ADGRL1: variants seen among roughly 807,000 people sequenced by gnomAD.
The protein encoded by ADGRL1 is CIRL-1.
In ADGRL1, 31 loss-of-function variants were observed where a neutral mutation model predicts 148.9. The observed-to-expected ratio is 0.21, with a 90% CI of 0.16 to 0.28. The LOEUF is 0.28. Among genes scored for constraint, ADGRL1 ranks in the 10% least tolerant of loss-of-function variants. ADGRL1 has a pLI of 1.00. For missense variants in ADGRL1, 1,521 were observed against 2,058.8 expected (o/e 0.74, Z 5.05); for synonymous variants, 937 against 900.3 (o/e 1.04, Z -0.73).
rs1285524365 is a variant in ADGRL1 at position 14,183,626 on chromosome 19, G to C, written c.-24C>G. 6.4e-7 allele frequency: 1 copy of C among 1,556,958 alleles called. No individual in the cohort carries two copies. Among genetic ancestry groups the C allele is most frequent in the Non-Finnish European group, 8.7e-7 (1 of 1,149,358 alleles). On this transcript the variant is annotated 5_prime_UTR_variant, in exon 2 of 23. Transcript: ENST00000361434. ...ATGGTGGCAGCCGGGTGCGTGTCCG[G>C]AGCTCTCAGTGGCCTGTGCGGGGGG... is the stretch of plus-strand genomic sequence containing the variant.
Position 14,183,633 on chromosome 19 carries a change from C to A in ADGRL1, c.-31G>T. On this transcript the variant is annotated 5_prime_UTR_variant, in exon 2 of 23. The change abolishes the stop of an existing upstream ORF in the 5' untranslated region. Coordinates refer to ENST00000361434, the MANE Select transcript of ADGRL1 (RefSeq NM_014921.5). ...CAGCCGGGTGCGTGTCCGGAGCTCT[C>A]AGTGGCCTGTGCGGGGGGCTTTGCC... The A allele has an allele frequency of 6.5e-7, 1 of 1,550,040 alleles. No individual in the cohort carries two copies.
chr19:14,181,333 C>T (rs187573961), intron 2 of ADGRL1, among the ~76,000 whole-genome samples: 53 of 152,338 alleles, frequency 3.5e-4, no homozygotes, highest in Middle Eastern at 3.4e-3. Context: ...CAGATTCGGG[C>T]CCCATACTCG....
chr19:14,149,780 GCCCCGGCGGGGAC>G lies in ADGRL1; in HGVS notation c.*1080_*1092del. 6.6e-6 allele frequency: 1 copy of G among 152,586 alleles called. No homozygotes were observed. Among genetic ancestry groups the G allele is most frequent in the East Asian group, 1.9e-4 (1 of 5,164 alleles). 9.5% of individuals were successfully genotyped at this position (152,586 alleles called of 1,614,324 possible). On this transcript the variant is annotated 3_prime_UTR_variant, in exon 23 of 23. Coordinates refer to ENST00000361434, the MANE Select transcript of ADGRL1 (RefSeq NM_014921.5). ...AAAAAGCTGCTCTGGCGGCCCGCCC[GCCCCGGCGGGGAC>G]TGGGGATGCACGTACACGGAGAAGT...
Position 14,160,380 on chromosome 19 carries a change from G to A in ADGRL1, c.1615-83C>T. On this transcript the variant is annotated intron_variant, in intron 7 of 22. Transcript: ENST00000361434. The surrounding 1 kb of genome is among the most constrained non-coding windows in gnomAD (Gnocchi z 5.9). ...CTCCCCGGCTTCCCTGGCCTGTGCA[G>A]CCTCTCCTATCTCTCTCTCCACTTC... The A allele has an allele frequency of 7.7e-7, 1 of 1,296,644 alleles. No homozygotes were observed. Among genetic ancestry groups the A allele is most frequent in the Non-Finnish European group, 1.1e-6 (1 of 937,010 alleles). 80.3% of individuals were successfully genotyped at this position (1,296,644 alleles called of 1,614,324 possible). A position where few individuals can be genotyped will look rare whatever the true frequency, so the allele number is the denominator to read the frequency against.
chr19:14,194,309 C>T (rs1186084083), intron 1 of ADGRL1, among the ~76,000 whole-genome samples: 1 of 152,152 alleles, frequency 6.6e-6, no homozygotes, highest in African/African-American at 2.4e-5. Flanking sequence ...TATAGGGAGT[C>T]AGGACACAAA....
rs1174985304 is a variant in ADGRL1, at chr19:14,162,216, C to A, written c.1195+390G>T. ...CCCGGTCAGCATCAGCAGCTCAGCT[C>A]TTTTGTGGATACTGGACTTCCACCC... On this transcript the variant is annotated intron_variant, in intron 5 of 22. Coordinates refer to ENST00000361434, the MANE Select transcript of ADGRL1 (RefSeq NM_014921.5). This position sits in a 1 kb window ranked among gnomAD's most constrained non-coding sequence, Gnocchi z 5.4. 6.6e-6 allele frequency among the ~76,000 whole-genome samples: 1 copy of A among 152,184 alleles called. No individual in the cohort carries two copies. Among genetic ancestry groups the A allele is most frequent in the Non-Finnish European group, 1.5e-5 (1 of 68,026 alleles).
chr19:14,157,076 C>T lies in ADGRL1; in HGVS notation c.2815G>A (p.Glu939Lys). The change falls in exon 15 of 23, where the codon GAG becomes AAG. Residue 939 changes from glutamate to lysine, a missense_variant. Around this residue, in one of 8 missense-constraint regions of ADGRL1, gnomAD observed 26 missense variants for 75.0 expected, o/e 0.35. Coordinates refer to ENST00000361434, the MANE Select transcript of ADGRL1 (RefSeq NM_014921.5). This position sits in a 1 kb window ranked among gnomAD's most constrained non-coding sequence, Gnocchi z 7.5. ...FLAAFSWLCL[E>K]GVHLYLLLVE... ...AGTAGCAGGTAGAGGTGCACGCCCT[C>T]CAGGCACAGCCAGGAGAAGGCAGCC... 1 of 1,614,108 alleles carries T rather than the reference C, an allele frequency of 6.2e-7. No homozygotes were observed. Among genetic ancestry groups the T allele is most frequent in the Non-Finnish European group, 8.5e-7 (1 of 1,180,006 alleles).
chr19:14,193,153 C>A (rs2145119441), intron 1 of ADGRL1, among the ~76,000 whole-genome samples: 1 of 152,010 alleles, frequency 6.6e-6, no homozygotes, highest in East Asian at 1.9e-4. Flanking sequence ...GCTCCAGACA[C>A]CCCCAGGAAC....
Position 14,151,154 on chromosome 19 carries a change from C to T in ADGRL1, c.4129G>A (p.Asp1377Asn). The change falls in exon 23 of 23, where the codon GAC (aspartate) becomes AAC (asparagine). Residue 1377 changes from aspartate to asparagine, a missense_variant. Asp to Asn is a conservative substitution (Grantham distance 23). This residue lies in a region of ADGRL1 where 390 missense variants were observed against 375.0 expected (regional missense o/e 1.04). Transcript: ENST00000361434. ...SRPLSSPPGR[D>N]SLYASGANLR... The stretch of plus-strand genomic sequence containing the variant: ...TTGGCCCCGCTGGCATAGAGGGAGT[C>T]CCGGCCAGGAGGGGAGGAGAGGGGC... 3.7e-6 allele frequency: 6 copies of T among 1,604,180 alleles called. No individual in the cohort carries two copies. The highest frequency in any genetic ancestry group is 5.1e-6 in the Non-Finnish European group (6 of 1,176,568).
intron 1 of ADGRL1, chr19:14,191,625 T>C (rs1971945005): frequency 5.2e-6 from 2 of 382,704 alleles, no homozygotes; most frequent in South Asian, 1.9e-5. Context: ...CTCTTCCGCC[T>C]TCTCACTATA....
rs747544049 is a variant in ADGRL1, at chr19:14,161,180, G to A, written c.1510+132C>T. On this transcript the variant is annotated intron_variant, in intron 6 of 22. Coordinates refer to ENST00000361434, the MANE Select transcript of ADGRL1 (RefSeq NM_014921.5). This position sits in a 1 kb window ranked among gnomAD's most constrained non-coding sequence, Gnocchi z 4.4. ...CTCCTGTGCCCTGAGAGCTCTGCTG[G>A]TCACTGGGGATGACCCCTGCCCTCA... The A allele has an allele frequency of 6.6e-6, 6 of 907,356 alleles. No individual in the cohort carries two copies. Among genetic ancestry groups the A allele is most frequent in the Non-Finnish European group, 9.5e-6 (6 of 633,536 alleles). The allele number at this position is 907,356 out of a possible 1,614,324, so 56.2% of individuals were successfully genotyped here. A position where few individuals can be genotyped will look rare whatever the true frequency, so the allele number is the denominator to read the frequency against.
intron 1 of ADGRL1, among the ~76,000 whole-genome samples, chr19:14,205,050 G>A (rs1231474979): frequency 1.3e-5 from 2 of 151,962 alleles, no homozygotes; most frequent in Non-Finnish European, 2.9e-5. Flanking sequence ...TAGAGACAGG[G>A]GTGTGTGTAG....
At position 14,152,106 on chromosome 19, in the gene ADGRL1, A is replaced by G. The variant is rs967888472; in HGVS notation, c.3667+27T>C. The G allele has an allele frequency of 5.0e-6, 8 of 1,606,598 alleles. No homozygotes were observed. The Admixed American group carries it at 1.2e-4, about 23-fold the overall frequency. ...GTCTGTCCCTCTCCCAGCCTCAGAA[A>G]CATCCCCAGGGAAGAGTCACACTTA... On this transcript the variant is annotated intron_variant, in intron 22 of 22. Coordinates refer to ENST00000361434, the MANE Select transcript of ADGRL1 (RefSeq NM_014921.5). The surrounding 1 kb of genome is among the most constrained non-coding windows in gnomAD (Gnocchi z 6.1).
At chr19:14,204,682 G>T (rs1192178647) in intron 1 of ADGRL1, among the ~76,000 whole-genome samples, 1 of 150,026 alleles carries the variant, frequency 6.7e-6, no homozygotes, top group Non-Finnish European at 1.5e-5. Context: ...AAGAGAGAAA[G>T]ACAGAGAGAG....
At position 14,155,018 on chromosome 19, in the gene ADGRL1, A is replaced by C. The variant is rs1469956081; in HGVS notation, c.3294+341T>G. The C allele has an allele frequency of 5.6e-6, 1 of 178,148 alleles. No homozygotes were observed. The highest frequency in any genetic ancestry group is 1.2e-5 in the Non-Finnish European group (1 of 84,764). 11.0% of individuals were successfully genotyped at this position (178,148 alleles called of 1,614,324 possible). The stretch of plus-strand genomic sequence containing the variant: ...TCTTTCCAGAACTATGAATGTAGGC[A>C]GTGCTCCCTCAGGGTGGCTCCCAAA... On this transcript the variant is annotated intron_variant, in intron 18 of 22. Coordinates refer to ENST00000361434, the MANE Select transcript of ADGRL1 (RefSeq NM_014921.5). The surrounding 1 kb of genome is among the most constrained non-coding windows in gnomAD (Gnocchi z 5.0).
intron 1 of ADGRL1, among the ~76,000 whole-genome samples, chr19:14,187,593 A>T (rs146570670): frequency 0.026 from 1,284 of 48,806 alleles, 28 homozygotes; most frequent in African/African-American, 0.075. Context: ...CCAGCCCCCA[A>T]CCGCGTCTCC....
chr19:14,162,945 C>A lies in ADGRL1; in HGVS notation c.856G>T (p.Val286Leu). The change falls in exon 5 of 23, where the codon GTG becomes TTG. Residue 286 changes from valine (V) to leucine (L), a missense_variant. Coordinates refer to ENST00000361434, the MANE Select transcript of ADGRL1 (RefSeq NM_014921.5). The surrounding 1 kb of genome is among the most constrained non-coding windows in gnomAD (Gnocchi z 5.4). ...GTGTAGGGGTTCAGCTGGCTCACCA[C>A]CAGCCGCCCGTTGTTGCCCTCAGTG... ...YATEGNNGRL[V>L]VSQLNPYTLR... is the part of the protein sequence containing the mutation. 6.2e-7 allele frequency: 1 copy of A among 1,613,642 alleles called. No individual in the cohort carries two copies.
At position 14,159,295 on chromosome 19, in the gene ADGRL1, C is replaced by A; in HGVS notation, c.2024-80G>T. On this transcript the variant is annotated intron_variant, in intron 10 of 22. Transcript: ENST00000361434. This position sits in a 1 kb window ranked among gnomAD's most constrained non-coding sequence, Gnocchi z 6.0. ...GGGGCTCAGGCTGCAGAACGAGACT[C>A]TGGCAAGATGCCCAAGGGTCGGATA... The A allele has an allele frequency of 6.3e-7, 1 of 1,582,256 alleles. No individual in the cohort carries two copies. Among genetic ancestry groups the A allele is most frequent in the South Asian group, 1.2e-5 (1 of 86,888 alleles).
At position 14,152,577 on chromosome 19, in the gene ADGRL1, T is replaced by C. The variant is rs1249216295; in HGVS notation, c.3460A>G (p.Lys1154Glu). The C allele has an allele frequency of 6.2e-7, 1 of 1,613,990 alleles. No homozygotes were observed. The highest frequency in any genetic ancestry group is 2.2e-5 in the East Asian group (1 of 44,890). The change falls in exon 20 of 23, where the codon AAA becomes GAA. Residue 1154 changes from lysine to glutamate, a missense_variant. Transcript: ENST00000361434. This position sits in a 1 kb window ranked among gnomAD's most constrained non-coding sequence, Gnocchi z 6.1. ...GCCATGAAGGAGGACTCCGTCTGTT[T>C]CCTCACAGTGTCATTCCACATCCTC... is the stretch of plus-strand genomic sequence containing the variant. Reference protein sequence around the residue: ...IRRMWNDTVRKQTESSFMAGD... With the variant: ...IRRMWNDTVREQTESSFMAGD...
Sources: gnomAD v4.1 joint callset for allele counts (sites outside exome capture counted in the v4.1 genomes callset) on GRCh38, gnomAD v4.1.1 for gene constraint, gnomAD v4.1.1 regional missense constraint, Gnocchi (gnomAD v3.1) non-coding constraint, MANE v1.5 for transcripts, NCBI Gene and HGNC (gene_info 2026-07-23, HGNC 2026-07-21) for gene names.